The following KIAA0232 variants were observed in gnomAD, a reference collection of about 807,000 sequenced individuals.
KIAA0232 encodes KIAA0232, also known as uncharacterized protein KIAA0232.
In KIAA0232, 27 loss-of-function variants were observed where a neutral mutation model predicts 122.0. The observed-to-expected ratio is 0.22, with a 90% CI of 0.16 to 0.31. KIAA0232 has a LOEUF of 0.31. Among genes scored for constraint, KIAA0232 ranks in the 10% least tolerant of loss-of-function variants. The pLI, the probability that KIAA0232 is intolerant of heterozygous loss-of-function variation, is 1.00. For missense variants in KIAA0232, 1,551 were observed against 1,634.2 expected (o/e 0.95, Z 0.88); for synonymous variants, 613 against 587.6 (o/e 1.04, Z -0.63).
chr4:6,880,457 G>C (rs1357643098), intron 9 of KIAA0232, among the ~76,000 whole-genome samples: 1 of 151,742 alleles, frequency 6.6e-6, no homozygotes, highest in East Asian at 2.0e-4. Context: ...CCTGGCATGC[G>C]CCTTCCACTG....
chr4:6,818,963 A>C (rs1346621989), intron 2 of KIAA0232, among the ~76,000 whole-genome samples: 1 of 152,180 alleles, frequency 6.6e-6, no homozygotes, highest in African/African-American at 2.4e-5. Flanking sequence ...GTTGACAAAA[A>C]TAAGCAACAG....
In KIAA0232 at chr4:6,854,259, TGAATCTTGGGAGG is replaced by T. The variant is rs549425208; in HGVS notation, c.370-2901_370-2889del. 1.6e-3 allele frequency among the ~76,000 whole-genome samples: 243 copies of T among 152,318 alleles called. 1 individual carries two copies. Among genetic ancestry groups the T allele is most frequent in the Non-Finnish European group, 2.4e-3 (160 of 68,026 alleles). On this transcript the variant is annotated intron_variant, in intron 4 of 9. Transcript: ENST00000307659. ...ATGTGTCATGTTAGCTTTTTTTTAC[TGAATCTTGGGAGG>T]GAAGTGGTGGCATTCTTGGGTCCAG...
chr4:6,825,564 C>T (rs1474809908), intron 3 of KIAA0232, among the ~76,000 whole-genome samples: 1 of 151,098 alleles, frequency 6.6e-6, no homozygotes, highest in Non-Finnish European at 1.5e-5. Flanking sequence ...CTCTCTCGCA[C>T]GCATACACGA....
intron 4 of KIAA0232, 109 bp downstream of exon 4, chr4:6,842,313 T>G: frequency 1.0e-5 from 11 of 1,098,256 alleles, no homozygotes; most frequent in Non-Finnish European, 1.4e-5. Flanking sequence ...AAGTACTTAT[T>G]TATTTTACCA....
At chr4:6,808,538 C>T (rs776181307) in intron 2 of KIAA0232, among the ~76,000 whole-genome samples, 12 of 150,180 alleles carry the variant, frequency 8.0e-5, no homozygotes, top group Non-Finnish European at 1.5e-4. Flanking sequence ...TTACATAAGG[C>T]GAAAGCCTGC....
chr4:6,859,974 A>T (rs1226808114), intron 6 of KIAA0232, among the ~76,000 whole-genome samples: 1 of 152,050 alleles, frequency 6.6e-6, no homozygotes, highest in African/African-American at 2.4e-5. Context: ...TGAGCATAAC[A>T]TGTGTGTCTT....
Position 6,834,651 on chromosome 4 carries a change from A to G in KIAA0232, c.232-7416A>G, listed in dbSNP as rs1306644940. 2.6e-5 allele frequency among the ~76,000 whole-genome samples: 4 copies of G among 152,198 alleles called. No individual in the cohort carries two copies. The South Asian group carries it at 8.3e-4, about 31-fold the overall frequency. On this transcript the variant is annotated intron_variant, in intron 3 of 9. Transcript: ENST00000307659. ...GGATGTAATTATTACCTTTGACACA[A>G]TTGGGTCCCTTGAAAAGGTGTTCTT...
At chr4:6,806,283 T>G (rs891063185) in intron 2 of KIAA0232, among the ~76,000 whole-genome samples, 1 of 152,208 alleles carries the variant, frequency 6.6e-6, no homozygotes, top group Admixed American at 6.5e-5. Flanking sequence ...AAAAAAAAAT[T>G]TTTAATATGG....
rs1241796393 is a variant in KIAA0232 at position 6,855,588 on chromosome 4, A to C, written c.370-1576A>C. Among the ~76,000 whole-genome samples the C allele has an allele frequency of 6.6e-6, 1 of 151,934 alleles. No individual in the cohort carries two copies. ...TCATATAGTATACATATTTACTCAT[A>C]TATTAATAAATATATGTGTGTATAT... On this transcript the variant is annotated intron_variant, in intron 4 of 9. Transcript: ENST00000307659. The surrounding 1 kb of genome is among the most constrained non-coding windows in gnomAD (Gnocchi z 4.3).
chr4:6,794,323 G>A (rs958890188), intron 1 of KIAA0232, among the ~76,000 whole-genome samples: 1 of 152,208 alleles, frequency 6.6e-6, no homozygotes, highest in Non-Finnish European at 1.5e-5. Context: ...GCAGCCTGAT[G>A]GAAGCATGGC....
intron 1 of KIAA0232, among the ~76,000 whole-genome samples, chr4:6,789,984 G>T (rs180964331): frequency 8.5e-5 from 13 of 152,072 alleles, no homozygotes; most frequent in Admixed American, 6.6e-4. Context: ...AGCCATGATT[G>T]CACCACTGGA....
rs533274134 is a variant in KIAA0232, at chr4:6,856,103, T to G, written c.370-1061T>G. Among the ~76,000 whole-genome samples, 5 of 146,906 alleles carry G rather than the reference T, an allele frequency of 3.4e-5. No homozygotes were observed. The South Asian group carries it at 1.1e-3, about 31-fold the overall frequency. ...TTAACTGTTTTCATTGTAATCTGTT[T>G]CTTGCTACTCAAACTGTGTAACCGT... On this transcript the variant is annotated intron_variant, in intron 4 of 9. Coordinates refer to ENST00000307659, the MANE Select transcript of KIAA0232 (RefSeq NM_014743.3).
chr4:6,862,153 T>C lies in KIAA0232; in HGVS notation c.1771T>C (p.Trp591Arg). The C allele has an allele frequency of 6.2e-7, 1 of 1,614,176 alleles. No individual in the cohort carries two copies. The highest frequency in any genetic ancestry group is 8.5e-7 in the Non-Finnish European group (1 of 1,180,034). ...LQDLGNLAQF[W>R]ECCSSSSGDA... ...GGACCTTGGCAATCTGGCTCAGTTT[T>C]GGGAGTGCTGTTCATCCAGCTCCGG... Residue 591 changes from tryptophan to arginine, a missense_variant, in exon 7 of 10, where the codon TGG becomes CGG. Trp to Arg is a moderately radical substitution (Grantham distance 101). This residue lies in a region of KIAA0232 where 1,108 missense variants were observed against 1,154.8 expected (regional missense o/e 0.96). Coordinates refer to ENST00000307659, the MANE Select transcript of KIAA0232 (RefSeq NM_014743.3).
intron 2 of KIAA0232, among the ~76,000 whole-genome samples, chr4:6,806,359 G>T (rs1717614008): frequency 6.6e-6 from 1 of 152,110 alleles, no homozygotes; most frequent in Admixed American, 6.5e-5. Flanking sequence ...CTGGAATCAA[G>T]TATAAGTTAG....
chr4:6,842,071 A>C lies in KIAA0232; in HGVS notation c.236A>C (p.Asn79Thr). The C allele has an allele frequency of 6.2e-7, 1 of 1,613,520 alleles. No individual in the cohort carries two copies. The highest frequency in any genetic ancestry group is 1.7e-5 in the Admixed American group (1 of 59,868). Residue 79 changes from asparagine (N) to threonine (T), a missense_variant, in exon 4 of 10, where the codon AAT becomes ACT. Asn to Thr is a moderately conservative substitution (Grantham distance 65). This residue lies in a region of KIAA0232 where 377 missense variants were observed against 381.7 expected (regional missense o/e 0.99). Coordinates refer to ENST00000307659, the MANE Select transcript of KIAA0232 (RefSeq NM_014743.3). ...CCTGGTGCAATTTCATTGCAGGAGA[A>C]TGACATCTTCCTGGGCTGGGAAAAA... ...SYDYDLQEQE[N>T]DIFLGWEKGA... is the part of the protein sequence containing the mutation.
At chr4:6,822,515 T>C (rs1379901041) in intron 2 of KIAA0232, among the ~76,000 whole-genome samples, 2 of 152,192 alleles carry the variant, frequency 1.3e-5, no homozygotes, top group African/African-American at 4.8e-5. Flanking sequence ...AGCCCTCTTA[T>C]TATCTGTTAA....
rs201833082 is a variant in KIAA0232 at position 6,863,447 on chromosome 4, T to C, written c.3065T>C (p.Leu1022Pro). Residue 1022 changes from leucine (L) to proline (P), a missense_variant, in exon 7 of 10, where the codon CTA becomes CCA. By Grantham distance (98) the Leu-to-Pro change is moderately conservative. Transcript: ENST00000307659. The stretch of plus-strand genomic sequence containing the variant: ...TCTTTTATCTTCCATGAAGACTTAC[T>C]AGGAGCTTGTGGCAACTTTCAAGTC... ...GFSFIFHEDL[L>P]GACGNFQVED... 1 of 1,614,220 alleles carries C rather than the reference T, an allele frequency of 6.2e-7. No homozygotes were observed. The highest frequency in any genetic ancestry group is 2.2e-5 in the East Asian group (1 of 44,888).
chr4:6,804,830 A>C (rs548385550), intron 2 of KIAA0232, among the ~76,000 whole-genome samples: 2 of 152,238 alleles, frequency 1.3e-5, no homozygotes, highest in Admixed American at 6.5e-5. Flanking sequence ...CAGGTGATCT[A>C]TGCCTTGCTT....
chr4:6,858,509 A>G lies in KIAA0232; in HGVS notation c.518+3A>G, dbSNP rs963637047. 1 of 1,588,230 alleles carries G rather than the reference A, an allele frequency of 6.3e-7. No individual in the cohort carries two copies. The highest frequency in any genetic ancestry group is 1.3e-5 in the African/African-American group (1 of 74,154). Reference sequence around the variant, plus strand: ...CCAGCAAAGGATCAAGTGGAAATGTATGTAAGATTGTATTCGGTAATAAAG... The same window carrying G: ...CCAGCAAAGGATCAAGTGGAAATGTGTGTAAGATTGTATTCGGTAATAAAG... On this transcript the variant is annotated splice_donor_region_variant and intron_variant, in intron 6 of 9. Transcript: ENST00000307659.
Sources: allele counts gnomAD v4.1 joint callset (sites outside exome capture counted in the v4.1 genomes callset), GRCh38; gene constraint gnomAD v4.1.1; regional missense constraint gnomAD v4.1.1; non-coding constraint Gnocchi (gnomAD v3.1); transcripts MANE v1.5; gene names NCBI Gene and HGNC (gene_info 2026-07-23, HGNC 2026-07-21).